CCDC190: variants seen among roughly 807,000 people sequenced by gnomAD.
The protein encoded by CCDC190 is coiled-coil domain-containing protein 190.
In CCDC190, 10 loss-of-function variants were observed where a neutral mutation model predicts 13.1. The ratio of observed to expected loss-of-function variants is 0.77; its 90% CI spans 0.47 to 1.30. The LOEUF is 1.30. Ranked by LOEUF, CCDC190 falls within the 50% of genes most tolerant of loss-of-function variation. The pLI is 0.00. For synonymous variants in CCDC190, 136 were observed against 127.2 expected (o/e 1.07, Z -0.47); for missense variants, 375 against 354.3 (o/e 1.06, Z -0.47).
chr1:162,855,621 C>G lies in CCDC190; in HGVS notation c.311+11G>C, dbSNP rs753190588. ...ATGTCATACCCATGGGTTTAGTAAT[C>G]CATTTCTTACCTCATTTTCTTAGCC... On this transcript the variant is annotated intron_variant, in intron 3 of 3. Coordinates refer to ENST00000367912, the MANE Select transcript of CCDC190 (RefSeq NM_001394065.1). The G allele has an allele frequency of 8.7e-6, 14 of 1,612,796 alleles. 1 individual carries two copies. In the South Asian group the frequency reaches 1.2e-4, roughly 14 times the overall value.
In CCDC190 at chr1:162,859,615, T is replaced by C; in HGVS notation, c.32A>G (p.Tyr11Cys). 5 of 1,613,930 alleles carry C rather than the reference T, an allele frequency of 3.1e-6. No homozygotes were observed. Among genetic ancestry groups the C allele is most frequent in the Non-Finnish European group, 4.2e-6 (5 of 1,179,864 alleles). The change falls in exon 2 of 4, where the codon TAT becomes TGT. Residue 11 changes from tyrosine (Y) to cysteine (C), a missense_variant. By Grantham distance (194) the Tyr-to-Cys change is radical. Coordinates refer to ENST00000367912, the MANE Select transcript of CCDC190 (RefSeq NM_001394065.1). MERHMVRGQL[Y>C]KHFDLERKNA... ...CTTCCTCTCCAAATCAAAATGCTTA[T>C]ACAATTGTCCCCTGACCATGTGCCT...
intron 1 of CCDC190, among the ~76,000 whole-genome samples, chr1:162,866,438 A>G (rs186773284): frequency 3.2e-4 from 48 of 149,690 alleles, no homozygotes; most frequent in African/African-American, 1.1e-3. Context: ...CTCAAAAAAC[A>G]AAAAACAAAA....
In CCDC190 at chr1:162,854,793, C is replaced by T; in HGVS notation, c.878G>A (p.Arg293Lys). The T allele has an allele frequency of 6.2e-7, 1 of 1,611,268 alleles. No homozygotes were observed. Among genetic ancestry groups the T allele is most frequent in the East Asian group, 2.2e-5 (1 of 44,818 alleles). Residue 293 changes from arginine to lysine, a missense_variant, in exon 4 of 4, where the codon AGG becomes AAG. Arg to Lys is a conservative substitution (Grantham distance 26). Transcript: ENST00000367912. ...GAGAGGAAGAAACTTAGAAGGCACC[C>T]TGTTTTCACACTCCTTTCCTGCCCT... ...SSRAGKECEN[R>K]VPSKFLPL
chr1:162,859,883 C>A (rs1558112818), intron 1 of CCDC190, among the ~76,000 whole-genome samples: 1 of 149,092 alleles, frequency 6.7e-6, no homozygotes, highest in Non-Finnish European at 1.5e-5. Context: ...AATAGTGATA[C>A]AATACAATAG....
chr1:162,863,671 G>T (rs1048009864), upstream of CCDC190, among the ~76,000 whole-genome samples: 1 of 152,142 alleles, frequency 6.6e-6, no homozygotes, highest in Non-Finnish European at 1.5e-5. Context: ...AGACAAAGGT[G>T]TAAGTTCAGA....
At chr1:162,863,933 C>G (rs997236682), upstream of CCDC190, among the ~76,000 whole-genome samples, 2 of 150,636 alleles carry the variant, frequency 1.3e-5, 1 homozygote, top group Non-Finnish European at 3.0e-5. Context: ...GCAGGAGAAT[C>G]ATTTGAACCC....
Position 162,852,978 on chromosome 1 carries a change from T to C in CCDC190, c.*1787A>G, listed in dbSNP as rs1179074230. 2 of 746,892 alleles carry C rather than the reference T, an allele frequency of 2.7e-6. No homozygotes were observed. The highest frequency in any genetic ancestry group is 2.3e-5 in the Admixed American group (1 of 44,434). 46.3% of individuals were successfully genotyped at this position (746,892 alleles called of 1,614,324 possible). On this transcript the variant is annotated 3_prime_UTR_variant, in exon 4 of 4. Transcript: ENST00000367912. Reference sequence around the variant, plus strand: ...GGGTTCTCTAATTGTTGTATGCCTATTCATGTTGGCCCAGGCATGGCTGGT... The same window carrying C: ...GGGTTCTCTAATTGTTGTATGCCTACTCATGTTGGCCCAGGCATGGCTGGT...
chr1:162,866,039 A>G (rs1015394966), upstream of CCDC190, among the ~76,000 whole-genome samples: 7 of 152,374 alleles, frequency 4.6e-5, no homozygotes, highest in East Asian at 1.2e-3. Flanking sequence ...ATATCAATAT[A>G]CAAAATATGT....
chr1:162,868,083 A>T (rs35928811), intron 1 of CCDC190, among the ~76,000 whole-genome samples: 98,353 of 151,838 alleles, frequency 0.65, 33,554 homozygotes, highest in Non-Finnish European at 0.77. Context: ...AGTTGATTTT[A>T]AAAAAAACTT....
intron 2 of CCDC190, among the ~76,000 whole-genome samples, chr1:162,856,251 G>A (rs1040288443): frequency 1.3e-5 from 2 of 152,162 alleles, no homozygotes; most frequent in African/African-American, 2.4e-5. Flanking sequence ...ATAAACCTTG[G>A]TGTATATTAC....
chr1:162,868,324 A>G (rs1571054114), intron 1 of CCDC190, among the ~76,000 whole-genome samples: 1 of 152,242 alleles, frequency 6.6e-6, no homozygotes, highest in Non-Finnish European at 1.5e-5. Context: ...TCAAAGTAAC[A>G]CAGCACAGAG....
upstream of CCDC190, among the ~76,000 whole-genome samples, chr1:162,864,935 A>G (rs1650647240): frequency 6.6e-6 from 1 of 152,128 alleles, no homozygotes; most frequent in Non-Finnish European, 1.5e-5. Context: ...TCAGTACCCC[A>G]TTAAAAGGCA....
intron 3 of CCDC190, 108 bp from the exon 4 acceptor site, chr1:162,855,467 A>G (rs1650268868): frequency 9.6e-6 from 14 of 1,461,084 alleles, no homozygotes; most frequent in Admixed American, 2.2e-5. Context: ...CCAAGGTAAT[A>G]TAGGTGGGAA....
chr1:162,853,273 T>C lies in CCDC190; in HGVS notation c.*1492A>G. On this transcript the variant is annotated 3_prime_UTR_variant, in exon 4 of 4. Coordinates refer to ENST00000367912, the MANE Select transcript of CCDC190 (RefSeq NM_001394065.1). ...GAAATTGAGTAGAAGAGAGATCAAA[T>C]GCTAGTCTGCCATCTATTAGCAAGT... The C allele has an allele frequency of 1.4e-6, 1 of 734,294 alleles. No individual in the cohort carries two copies. The highest frequency in any genetic ancestry group is 2.1e-6 in the Non-Finnish European group (1 of 470,870). 45.5% of individuals were successfully genotyped at this position (734,294 alleles called of 1,614,324 possible).
upstream of CCDC190, among the ~76,000 whole-genome samples, chr1:162,861,440 T>A (rs1650512202): frequency 1.9e-5 from 2 of 103,320 alleles, no homozygotes; most frequent in South Asian, 5.2e-4. Flanking sequence ...TCTCTCCATT[T>A]TTTTTTTTTC....
At chr1:162,866,014 A>G (rs1571052137), upstream of CCDC190, among the ~76,000 whole-genome samples, 1 of 152,236 alleles carries the variant, frequency 6.6e-6, no homozygotes, top group East Asian at 1.9e-4. Context: ...GATTTTAGCA[A>G]GATCACATGA....
At chr1:162,862,322 A>C (rs1007939631), upstream of CCDC190, among the ~76,000 whole-genome samples, 4 of 152,230 alleles carry the variant, frequency 2.6e-5, no homozygotes, top group African/African-American at 9.6e-5. Flanking sequence ...GCTAAAGGGC[A>C]AGAAGGAGCC....
intron 2 of CCDC190, among the ~76,000 whole-genome samples, chr1:162,858,407 A>G (rs1211706801): frequency 6.6e-6 from 1 of 152,258 alleles, no homozygotes; most frequent in Non-Finnish European, 1.5e-5. Flanking sequence ...CTCTCATTCT[A>G]GGTTGGTTTA....
chr1:162,861,743 T>C (rs1650526558), upstream of CCDC190, among the ~76,000 whole-genome samples: 1 of 152,174 alleles, frequency 6.6e-6, no homozygotes, highest in South Asian at 2.1e-4. Flanking sequence ...CCGTAGAAGG[T>C]TGAGCAGAGC....
Sources: allele counts gnomAD v4.1 joint callset (sites outside exome capture counted in the v4.1 genomes callset), GRCh38; gene constraint gnomAD v4.1.1; transcripts MANE v1.5; gene names NCBI Gene and HGNC (gene_info 2026-07-23, HGNC 2026-07-21).